Variants in CREB5 observed in about 807,000 individuals in gnomAD.
CREB5 encodes the protein cAMP responsive element binding protein 5.
In CREB5, 19 loss-of-function variants were observed where a neutral mutation model predicts 57.1. That is an observed-to-expected ratio of 0.33 (90% CI 0.23 to 0.49). The LOEUF is 0.49. Among genes scored for constraint, CREB5 ranks in the 20% least tolerant of loss-of-function variants. The probability of loss-of-function intolerance (pLI) is 0.99; values close to 1 mark genes in which losing one functional copy is unlikely to be tolerated. For missense variants in CREB5, 579 were observed against 671.6 expected (o/e 0.86, Z 1.52); for synonymous variants, 238 against 238.3 (o/e 1.00, Z 0.01).
intron 1 of CREB5, among the ~76,000 whole-genome samples, chr7:28,454,515 C>G (rs1032954805): frequency 1.3e-5 from 2 of 152,168 alleles, no homozygotes; most frequent in South Asian, 4.1e-4. Flanking sequence ...TCCTCCTCAT[C>G]CATGTTCGCC....
upstream of CREB5, chr7:28,410,069 T>A (rs1787708964): frequency 9.9e-6 from 4 of 404,000 alleles, no homozygotes; most frequent in Non-Finnish European, 2.0e-5. Flanking sequence ...AGGGGGCGGG[T>A]GGGCGCGCGC....
At chr7:28,753,367 C>G (rs1805092894) in intron 7 of CREB5, among the ~76,000 whole-genome samples, 1 of 152,116 alleles carries the variant, frequency 6.6e-6, no homozygotes, top group East Asian at 1.9e-4. Context: ...TAATCTCTCT[C>G]TCGTGCATGC....
intron 1 of CREB5, among the ~76,000 whole-genome samples, chr7:28,463,626 A>G (rs1163992837): frequency 6.6e-6 from 1 of 152,082 alleles, no homozygotes; most frequent in African/African-American, 2.4e-5. Context: ...TGTACCAGTC[A>G]TGTGCTTTTT....
chr7:28,621,572 T>G (rs1463046251), intron 5 of CREB5, among the ~76,000 whole-genome samples: 1 of 152,132 alleles, frequency 6.6e-6, no homozygotes, highest in African/African-American at 2.4e-5. Context: ...TCTTGTTTTG[T>G]TTTACACAGC....
At chr7:28,536,366 C>T (rs1388214636) in intron 4 of CREB5, among the ~76,000 whole-genome samples, 3 of 152,162 alleles carry the variant, frequency 2.0e-5, no homozygotes, top group African/African-American at 2.4e-5. Flanking sequence ...TGAGGTAAGG[C>T]GCATCTCCTT....
intron 7 of CREB5, among the ~76,000 whole-genome samples, chr7:28,729,667 G>T (rs942654686): frequency 1.3e-5 from 2 of 152,132 alleles, no homozygotes; most frequent in African/African-American, 4.8e-5. Flanking sequence ...GCAGTTCTTC[G>T]ATTTGCCTAT....
At position 28,818,087 on chromosome 7, in the gene CREB5, T is replaced by G. The variant is rs1289667703; in HGVS notation, c.1271T>G (p.Leu424Trp). The change falls in exon 10 of 11, where the codon TTG becomes TGG. Residue 424 changes from leucine to tryptophan, a missense_variant. By Grantham distance (61) the Leu-to-Trp change is moderately conservative. Transcript: ENST00000357727. ...NMQLQNEVSM[L>W]KNEVAQLKQL... ...CTCTTTTAGAATGAAGTGTCTATGT[T>G]GAAAAATGAGGTGGCCCAGCTGAAA... 6.2e-7 allele frequency: 1 copy of G among 1,613,574 alleles called. No homozygotes were observed. The highest frequency in any genetic ancestry group is 1.1e-5 in the South Asian group (1 of 91,016).
At chr7:28,775,566 T>TATATATATATATATATA (rs1396993277) in intron 7 of CREB5, among the ~76,000 whole-genome samples, 1 of 82,546 alleles carries the variant, frequency 1.2e-5, no homozygotes, top group Non-Finnish European at 2.5e-5. Context: ...ATATATATAT[T>TATATATATATATATATA]AGCGTATTTT....
chr7:28,776,186 A>C (rs1416131938), intron 7 of CREB5, among the ~76,000 whole-genome samples: 2 of 152,036 alleles, frequency 1.3e-5, no homozygotes, highest in African/African-American at 4.8e-5. Context: ...AAATCCAAAA[A>C]AATTAGCCGG....
rs139337860 is a variant in CREB5 at position 28,788,949 on chromosome 7, G to A, written c.703-15250G>A. On this transcript the variant is annotated intron_variant, in intron 7 of 10. Coordinates refer to ENST00000357727, the MANE Select transcript of CREB5 (RefSeq NM_182898.4). ...AGAGTAAAAGATTCAGTTGCTTTAC[G>A]TCTTCTGTATTCCTACATTGACGTA... is the stretch of plus-strand genomic sequence containing the variant. Among the ~76,000 whole-genome samples, 917 of 152,200 alleles carry A rather than the reference G, an allele frequency of 6.0e-3. 2 individuals carry two copies. Among genetic ancestry groups the A allele is most frequent in the Middle Eastern group, 0.024 (7 of 294 alleles).
chr7:28,486,441 CT>C (rs1279450197), intron 1 of CREB5, among the ~76,000 whole-genome samples: 1 of 151,460 alleles, frequency 6.6e-6, no homozygotes, highest in Non-Finnish European at 1.5e-5. Flanking sequence ...TCCAAGGTGA[CT>C]TGTGAATCCT....
intron 1 of CREB5, among the ~76,000 whole-genome samples, chr7:28,388,573 C>T (rs1234182219): frequency 1.3e-5 from 2 of 152,196 alleles, no homozygotes; most frequent in Non-Finnish European, 2.9e-5. Flanking sequence ...TAGTATATTT[C>T]ATCCAGCATT....
intron 5 of CREB5, among the ~76,000 whole-genome samples, chr7:28,657,262 T>C (rs1407600763): frequency 1.3e-5 from 2 of 152,146 alleles, no homozygotes; most frequent in African/African-American, 4.8e-5. Context: ...CTCTGAACAA[T>C]TGGTTTCCAA....
At chr7:28,553,810 G>A (rs1794763305) in intron 4 of CREB5, among the ~76,000 whole-genome samples, 1 of 152,188 alleles carries the variant, frequency 6.6e-6, no homozygotes, top group African/African-American at 2.4e-5. Context: ...CTTATAACTG[G>A]GCTATGCTTT....
chr7:28,796,044 C>T (rs181037976), intron 7 of CREB5, among the ~76,000 whole-genome samples: 4 of 152,254 alleles, frequency 2.6e-5, no homozygotes, highest in Non-Finnish European at 5.9e-5. Flanking sequence ...TGAGGCACTG[C>T]ACTCAGCCCA....
chr7:28,697,190 T>A (rs1583567968), intron 5 of CREB5, among the ~76,000 whole-genome samples: 1 of 152,254 alleles, frequency 6.6e-6, no homozygotes, highest in East Asian at 1.9e-4. Flanking sequence ...GCTGATAATG[T>A]CAGATTAAGC....
chr7:28,653,045 TTAGGAAAG>T (rs1238014300), intron 5 of CREB5, among the ~76,000 whole-genome samples: 1 of 152,128 alleles, frequency 6.6e-6, no homozygotes, highest in Non-Finnish European at 1.5e-5. Context: ...GAGAATAAAA[TTAGGAAAG>T]TGAGTAACAA....
chr7:28,434,918 G>T (rs1378633281), intron 1 of CREB5, among the ~76,000 whole-genome samples: 3 of 148,006 alleles, frequency 2.0e-5, no homozygotes, highest in Non-Finnish European at 4.5e-5. Flanking sequence ...ATGTGTATTT[G>T]GCATTGATGA....
chr7:28,666,127 A>G (rs1799814189), intron 5 of CREB5, among the ~76,000 whole-genome samples: 1 of 152,228 alleles, frequency 6.6e-6, no homozygotes, highest in African/African-American at 2.4e-5. Flanking sequence ...TGGATAATAA[A>G]TGAGAAATAC....
Sources: gnomAD v4.1 joint callset for allele counts (sites outside exome capture counted in the v4.1 genomes callset) on GRCh38, gnomAD v4.1.1 for gene constraint, MANE v1.5 for transcripts, NCBI Gene and HGNC (gene_info 2026-07-23, HGNC 2026-07-21) for gene names.